Variants in EPS15L1 observed in about 807,000 individuals in gnomAD.
EPS15L1 encodes epidermal growth factor receptor pathway substrate 15 like 1.
EPS15L1 carries 43 observed loss-of-function variants against 117.1 expected under a neutral mutation model. The ratio of observed to expected loss-of-function variants is 0.37; its 90% CI spans 0.29 to 0.47. The LOEUF is 0.47. Among genes scored for constraint, EPS15L1 ranks in the 20% least tolerant of loss-of-function variants. The probability of loss-of-function intolerance (pLI) is 0.99; values close to 1 mark genes in which losing one functional copy is unlikely to be tolerated. For missense variants in EPS15L1, 981 were observed against 1,164.0 expected, an observed-to-expected ratio of 0.84 and a Z score of 2.29; for synonymous variants, 459 against 470.5, an observed-to-expected ratio of 0.98 and a Z score of 0.32.
intron 10 of EPS15L1, among the ~76,000 whole-genome samples, chr19:16,418,751 T>A (rs2092785104): frequency 6.6e-6 from 1 of 152,254 alleles, no homozygotes; most frequent in East Asian, 1.9e-4. Context: ...GTGGGATTAG[T>A]GCCCTTATAA....
intron 1 of EPS15L1, among the ~76,000 whole-genome samples, chr19:16,458,147 C>T (rs2093214845): frequency 1.3e-5 from 2 of 152,136 alleles, no homozygotes; most frequent in Admixed American, 6.5e-5. Flanking sequence ...GGCTCCCTGC[C>T]AAGGACGCCA....
chr19:16,420,511 G>A lies in EPS15L1; in HGVS notation c.950+808C>T, dbSNP rs530165105. ...CCATTTGGGTGATGACTCTGCGACA[G>A]CTAGTTCTCAGGCTCCCACCTCACA... On this transcript the variant is annotated intron_variant, in intron 10 of 23. Transcript: ENST00000455140. 1.2e-4 allele frequency among the ~76,000 whole-genome samples: 18 copies of A among 152,318 alleles called. 1 individual carries two copies. The South Asian group carries it at 3.7e-3, about 32-fold the overall frequency.
chr19:16,377,894 C>T (rs2144705129), intron 21 of EPS15L1, among the ~76,000 whole-genome samples: 1 of 152,348 alleles, frequency 6.6e-6, no homozygotes, highest in South Asian at 2.1e-4. Context: ...CTGGCCCGGA[C>T]CCTCGGTCAG....
At chr19:16,363,017 T>C (rs1309679597) in intron 22 of EPS15L1, among the ~76,000 whole-genome samples, 1 of 152,080 alleles carries the variant, frequency 6.6e-6, no homozygotes, top group Non-Finnish European at 1.5e-5. Flanking sequence ...CTGAGGATGG[T>C]AGCTTTTCCC....
chr19:16,367,584 T>G (rs2092154257), intron 22 of EPS15L1, among the ~76,000 whole-genome samples: 1 of 149,518 alleles, frequency 6.7e-6, no homozygotes, highest in East Asian at 2.0e-4. Context: ...TTCTCAAGCT[T>G]CTTCTCGAGG....
intron 8 of EPS15L1, among the ~76,000 whole-genome samples, chr19:16,428,368 A>T (rs2092894300): frequency 6.7e-6 from 1 of 149,376 alleles, no homozygotes. Context: ...GTGAGACTCC[A>T]TCTAAAAACA....
At chr19:16,357,623 G>C (rs1475460426) in intron 23 of EPS15L1, 2 of 152,850 alleles carry the variant, frequency 1.3e-5, no homozygotes, top group African/African-American at 4.8e-5. Context: ...ACCTGGTTGG[G>C]AGGCAGATGT....
intron 20 of EPS15L1, 60 bp downstream of exon 20, chr19:16,386,111 G>C (rs937920102): frequency 7.7e-7 from 1 of 1,300,418 alleles, no homozygotes; most frequent in Non-Finnish European, 1.1e-6. Flanking sequence ...TGTTAACTGC[G>C]GGGGAGCTCT....
intron 1 of EPS15L1, among the ~76,000 whole-genome samples, chr19:16,469,178 T>A (rs1483069426): frequency 6.6e-6 from 1 of 151,972 alleles, no homozygotes; most frequent in Non-Finnish European, 1.5e-5. Context: ...AGACACCTTC[T>A]GGACTCTAGA....
At chr19:16,375,261 C>A (rs986671791) in intron 22 of EPS15L1, among the ~76,000 whole-genome samples, 1 of 152,208 alleles carries the variant, frequency 6.6e-6, no homozygotes, top group Non-Finnish European at 1.5e-5. Context: ...TGCATGCTCA[C>A]CTGTATGCAT....
At position 16,421,453 on chromosome 19, in the gene EPS15L1, G is replaced by A. The variant is rs752694892; in HGVS notation, c.816C>T (p.Pro272=). The A allele has an allele frequency of 1.2e-5, 20 of 1,613,424 alleles. No homozygotes were observed. The highest frequency in any genetic ancestry group is 4.5e-5 in the East Asian group (2 of 44,884). Residue 272 remains proline, a synonymous_variant, in exon 10 of 24, where the codon CCC becomes CCT. Transcript: ENST00000455140. ...QTQPTVNWVV[P]VADKMRFDEI... is the part of the protein sequence containing the mutation. ...CATCAAATCGCATCTTGTCTGCCACGGGCACCACCCAGTTCACTGTTGGCT... is the reference window on the plus strand; with the variant it reads ...CATCAAATCGCATCTTGTCTGCCACAGGCACCACCCAGTTCACTGTTGGCT...
intron 1 of EPS15L1, among the ~76,000 whole-genome samples, chr19:16,458,922 T>C (rs1284781351): frequency 6.6e-6 from 1 of 152,202 alleles, no homozygotes; most frequent in East Asian, 1.9e-4. Context: ...GTTAATTTCA[T>C]CGTCGTGAGG....
At chr19:16,467,562 C>A (rs1305789454) in intron 1 of EPS15L1, among the ~76,000 whole-genome samples, 1 of 151,992 alleles carries the variant, frequency 6.6e-6, no homozygotes, top group African/African-American at 2.4e-5. Context: ...CAGGCCAGTG[C>A]AGGTCAATAA....
Position 16,385,140 on chromosome 19 carries a change from G to C in EPS15L1, c.2236C>G (p.Gln746Glu). 1 of 1,613,968 alleles carries C rather than the reference G, an allele frequency of 6.2e-7. No homozygotes were observed. The highest frequency in any genetic ancestry group is 8.5e-7 in the Non-Finnish European group (1 of 1,179,848). The stretch of plus-strand genomic sequence containing the variant: ...TGGAGGGGCTTTACCTTGGACATCT[G>C]GCTGAAGTCGGCAAAGCCTTCAGCA... ...NSAEGFADFS[Q>E]MSKPPPSGPF... The change falls in exon 21 of 24, where the codon CAG becomes GAG. Residue 746 changes from glutamine (Q) to glutamate (E), a missense_variant. Gln to Glu is a conservative substitution (Grantham distance 29). This residue lies in a region of EPS15L1 where 819 missense variants were observed against 949.0 expected (regional missense o/e 0.86). Coordinates refer to ENST00000455140, the MANE Select transcript of EPS15L1 (RefSeq NM_001258374.3).
chr19:16,381,961 G>A lies in EPS15L1; in HGVS notation c.2247+3168C>T, dbSNP rs1182627373. ...ATCTCCAGACTCGGAGTGGGGCCTC[G>A]GTTCCAGTGGCTGCAGTGAGCCTTT... On this transcript the variant is annotated intron_variant, in intron 21 of 23. Coordinates refer to ENST00000455140, the MANE Select transcript of EPS15L1 (RefSeq NM_001258374.3). This position sits in a 1 kb window ranked among gnomAD's most constrained non-coding sequence, Gnocchi z 4.2. Among the ~76,000 whole-genome samples, 3 of 152,178 alleles carry A rather than the reference G, an allele frequency of 2.0e-5. No homozygotes were observed. Among genetic ancestry groups the A allele is most frequent in the East Asian group, 1.9e-4 (1 of 5,194 alleles).
At chr19:16,428,485 G>C (rs1332071665) in intron 8 of EPS15L1, among the ~76,000 whole-genome samples, 1 of 98,180 alleles carries the variant, frequency 1.0e-5, no homozygotes, top group Non-Finnish European at 2.0e-5. Context: ...GGGAGAGAGG[G>C]AGGGAGGGAG....
At chr19:16,437,075 T>C in intron 5 of EPS15L1, 76 bp from the exon 6 acceptor site, 1 of 1,308,602 alleles carries the variant, frequency 7.6e-7, no homozygotes, top group Non-Finnish European at 1.1e-6. Flanking sequence ...CTGAAAAGGA[T>C]ACACGTTTCA....
rs983494034 is a variant in EPS15L1, at chr19:16,471,087, T to C, written c.33+826A>G. 6.6e-6 allele frequency among the ~76,000 whole-genome samples: 1 copy of C among 152,222 alleles called. No homozygotes were observed. The highest frequency in any genetic ancestry group is 1.5e-5 in the Non-Finnish European group (1 of 68,044). On this transcript the variant is annotated intron_variant, in intron 1 of 23. Coordinates refer to ENST00000455140, the MANE Select transcript of EPS15L1 (RefSeq NM_001258374.3). This position sits in a 1 kb window ranked among gnomAD's most constrained non-coding sequence, Gnocchi z 4.8. ...AGATCATTCTAGCAAAATGCTTATA[T>C]GGTGCTTTGCACAACACAGGTATTC...
intron 22 of EPS15L1, among the ~76,000 whole-genome samples, chr19:16,374,683 G>A (rs143896959): frequency 1.2e-4 from 19 of 152,284 alleles, no homozygotes; most frequent in Middle Eastern, 3.4e-3. Context: ...ATGAAACACT[G>A]AAAATGAAGC....
Sources: gnomAD v4.1 joint callset for allele counts (sites outside exome capture counted in the v4.1 genomes callset) on GRCh38, gnomAD v4.1.1 for gene constraint, gnomAD v4.1.1 regional missense constraint, Gnocchi (gnomAD v3.1) non-coding constraint, MANE v1.5 for transcripts, NCBI Gene and HGNC (gene_info 2026-07-23, HGNC 2026-07-21) for gene names.